The following ASTN2 variants were observed in gnomAD, a reference collection of about 807,000 sequenced individuals.
The protein encoded by ASTN2 is astrotactin 2.
Under a neutral mutation model 139.8 loss-of-function variants are expected in ASTN2, and 54 were observed. The ratio of observed to expected loss-of-function variants is 0.39; its 90% CI spans 0.31 to 0.48. The LOEUF is 0.48. Ranked by LOEUF, ASTN2 falls within the 20% of genes least tolerant of loss-of-function variation. The pLI, the probability that ASTN2 is intolerant of heterozygous loss-of-function variation, is 0.95. For synonymous variants in ASTN2, 756 were observed against 719.5 expected (o/e 1.05, Z -0.81); for missense variants, 1,565 against 1,725.1 (o/e 0.91, Z 1.64).
chr9:116,674,210 C>A (rs924662071), intron 16 of ASTN2, among the ~76,000 whole-genome samples: 4 of 152,206 alleles, frequency 2.6e-5, no homozygotes, highest in East Asian at 1.9e-4. Context: ...GCAGACCCTG[C>A]ACTTGATGGA....
intron 5 of ASTN2, among the ~76,000 whole-genome samples, chr9:117,076,295 CCAGA>C (rs147225688): frequency 0.018 from 2,813 of 152,062 alleles, 41 homozygotes; most frequent in Non-Finnish European, 0.031. Context: ...GAAGATTATC[CCAGA>C]CAGAGGGGAC....
At chr9:116,757,509 G>T (rs539459566) in intron 13 of ASTN2, among the ~76,000 whole-genome samples, 2 of 152,054 alleles carry the variant, frequency 1.3e-5, no homozygotes, top group Non-Finnish European at 2.9e-5. Context: ...GGAGGATGGG[G>T]TCTTTCTTCT....
In ASTN2 at chr9:117,002,714, A is replaced by C. The variant is rs145230850; in HGVS notation, c.1591+5378T>G. Among the ~76,000 whole-genome samples, 89 of 152,342 alleles carry C rather than the reference A, an allele frequency of 5.8e-4. 1 individual carries two copies. Among genetic ancestry groups the C allele is most frequent in the East Asian group, 5.6e-3 (29 of 5,172 alleles). On this transcript the variant is annotated intron_variant, in intron 7 of 22. Coordinates refer to ENST00000313400, the MANE Select transcript of ASTN2 (RefSeq NM_001365068.1). The stretch of plus-strand genomic sequence containing the variant: ...GTATTATTCTTTGTCTCTTAATTAC[A>C]TGTCAGGCATTATGCTGAATTTTAA...
intron 19 of ASTN2, among the ~76,000 whole-genome samples, chr9:116,517,420 T>C (rs1850697768): frequency 6.6e-6 from 1 of 152,144 alleles, no homozygotes; most frequent in Admixed American, 6.5e-5. Flanking sequence ...TCACTACATT[T>C]CAGCTCTGAG....
intron 2 of ASTN2, among the ~76,000 whole-genome samples, chr9:117,271,615 T>C (rs1247710629): frequency 2.6e-5 from 4 of 152,102 alleles, no homozygotes; most frequent in Non-Finnish European, 2.9e-5. Flanking sequence ...AAAAGCAAGG[T>C]AGTTACTTCC....
rs1312279497 is a variant in ASTN2, at chr9:117,052,375, G to A, written c.1277-12410C>T. On this transcript the variant is annotated intron_variant, in intron 5 of 22. Coordinates refer to ENST00000313400, the MANE Select transcript of ASTN2 (RefSeq NM_001365068.1). ...GAATGGTGTGAACCCAGGAGGCGGAGCTTGCAGTGAGCTATCACACCACTG... is the reference window on the plus strand; with the variant it reads ...GAATGGTGTGAACCCAGGAGGCGGAACTTGCAGTGAGCTATCACACCACTG... Among the ~76,000 whole-genome samples the A allele has an allele frequency of 4.1e-5, 6 of 147,444 alleles. No individual in the cohort carries two copies. The East Asian group carries it at 9.9e-4, about 24-fold the overall frequency.
chr9:117,077,963 A>G (rs1467467378), intron 5 of ASTN2, among the ~76,000 whole-genome samples: 1 of 152,188 alleles, frequency 6.6e-6, no homozygotes, highest in East Asian at 1.9e-4. Context: ...GAACTCTGAC[A>G]CTCAGAATTG....
chr9:117,352,652 A>G (rs1351475452), intron 1 of ASTN2, among the ~76,000 whole-genome samples: 3 of 152,194 alleles, frequency 2.0e-5, no homozygotes, highest in Admixed American at 6.5e-5. Context: ...AGTTTATCCA[A>G]TAATTCTAGA....
intron 19 of ASTN2, among the ~76,000 whole-genome samples, chr9:116,499,657 C>T (rs1437944718): frequency 6.6e-6 from 1 of 152,152 alleles, no homozygotes; most frequent in Non-Finnish European, 1.5e-5. Flanking sequence ...TTATGCAGAA[C>T]AAGTGAGTCA....
chr9:116,943,075 T>C (rs1484602340), intron 10 of ASTN2, among the ~76,000 whole-genome samples: 1 of 152,186 alleles, frequency 6.6e-6, no homozygotes, highest in Non-Finnish European at 1.5e-5. Flanking sequence ...GCACCTACTA[T>C]GTACCAGGTC....
chr9:117,016,686 TATATATATATGTTAC>T (rs1837713008), intron 6 of ASTN2, among the ~76,000 whole-genome samples: 1 of 135,832 alleles, frequency 7.4e-6, no homozygotes. Flanking sequence ...ATATATAGGT[TATATATATATGTTAC>T]ATATATATAG....
intron 10 of ASTN2, among the ~76,000 whole-genome samples, chr9:116,957,187 C>T (rs192223752): frequency 2.6e-4 from 39 of 152,010 alleles, no homozygotes; most frequent in Non-Finnish European, 4.0e-4. Context: ...TTCCCTGCTA[C>T]TTTTTCTCAG....
chr9:116,964,254 TGTGCGCGCGCGCGC>T (rs1481907807), intron 10 of ASTN2, among the ~76,000 whole-genome samples: 6 of 128,950 alleles, frequency 4.7e-5, no homozygotes, highest in African/African-American at 1.6e-4. Flanking sequence ...TGTGTGTGTG[TGTGCGCGCGCGCGC>T]GTGTGTGTTG....
chr9:116,775,723 AAGGAAGGAAGGGGAAGGG>A (rs1418201347), intron 13 of ASTN2, among the ~76,000 whole-genome samples: 1 of 124,846 alleles, frequency 8.0e-6, no homozygotes, highest in Non-Finnish European at 1.7e-5. Flanking sequence ...AGAAGGAAGG[AAGGAAGGAAGGGGAAGGG>A]AGGAAGGAAG....
chr9:116,895,960 A>T (rs1372549137), intron 10 of ASTN2, among the ~76,000 whole-genome samples: 1 of 152,236 alleles, frequency 6.6e-6, no homozygotes, highest in African/African-American at 2.4e-5. Flanking sequence ...ATTTTTAAAA[A>T]ACAATAAATG....
chr9:117,191,345 A>C (rs1022956763), intron 3 of ASTN2, among the ~76,000 whole-genome samples: 1 of 152,126 alleles, frequency 6.6e-6, no homozygotes. Flanking sequence ...ATAAAAATGC[A>C]AGATAGAAAA....
chr9:117,308,887 G>T (rs1197476540), intron 1 of ASTN2, among the ~76,000 whole-genome samples: 1 of 152,152 alleles, frequency 6.6e-6, no homozygotes, highest in Non-Finnish European at 1.5e-5. Flanking sequence ...GACTAGTGCG[G>T]CTAATGCCTG....
intron 19 of ASTN2, among the ~76,000 whole-genome samples, chr9:116,504,895 CAAAA>C (rs386416022): frequency 4.4e-5 from 4 of 91,766 alleles, no homozygotes; most frequent in African/African-American, 1.8e-4. Flanking sequence ...AATCCTGTCT[CAAAA>C]AAAAAAAAAA....
chr9:116,716,642 C>A (rs1015329117), intron 16 of ASTN2, among the ~76,000 whole-genome samples: 2 of 152,170 alleles, frequency 1.3e-5, no homozygotes, highest in Non-Finnish European at 2.9e-5. Flanking sequence ...TGGCCCAGAA[C>A]CTCAATGCAG....
Sources: allele counts gnomAD v4.1 joint callset (sites outside exome capture counted in the v4.1 genomes callset), GRCh38; gene constraint gnomAD v4.1.1; transcripts MANE v1.5; gene names NCBI Gene and HGNC (gene_info 2026-07-23, HGNC 2026-07-21).